The following DRC1 variants were observed in gnomAD, a reference collection of about 807,000 sequenced individuals.
DRC1 encodes the protein dynein regulatory complex subunit 1.
Under a neutral mutation model 98.7 loss-of-function variants are expected in DRC1, and 74 were observed. That is an observed-to-expected ratio of 0.75 (90% confidence interval 0.62 to 0.91). DRC1 has a LOEUF of 0.91. DRC1 is among the 40% of genes least tolerant of loss of function. The probability of loss-of-function intolerance (pLI) is 0.00; values close to 1 mark genes in which losing one functional copy is unlikely to be tolerated. For synonymous variants in DRC1, 336 were observed against 334.1 expected (o/e 1.01, Z -0.06); for missense variants, 875 against 886.0 (o/e 0.99, Z 0.16).
chr2:26,448,536 T>A, intron 10 of DRC1, 155 bp from the exon 11 acceptor site: 1 of 833,596 alleles, frequency 1.2e-6, no homozygotes, highest in Non-Finnish European at 2.0e-6. Flanking sequence ...CGTAATAGGC[T>A]TTTTTCATCA....
At chr2:26,424,214 T>C in intron 3 of DRC1, 57 bp from the exon 4 acceptor site, 1 of 1,600,836 alleles carries the variant, frequency 6.2e-7, no homozygotes, top group African/African-American at 1.3e-5. Context: ...GTACCTGCTC[T>C]ACTGGAAGGC....
At chr2:26,419,176 A>C (rs551327702) in intron 2 of DRC1, among the ~76,000 whole-genome samples, 1 of 152,110 alleles carries the variant, frequency 6.6e-6, no homozygotes, top group South Asian at 2.1e-4. Context: ...GGTGTGAGCC[A>C]CCATGCCCGG....
intron 1 of DRC1, among the ~76,000 whole-genome samples, chr2:26,405,996 CGTAA>C (rs1350840907): frequency 6.6e-6 from 1 of 152,064 alleles, no homozygotes; most frequent in Non-Finnish European, 1.5e-5. Flanking sequence ...GCGCATTGTG[CGTAA>C]GTGAGCTGGG....
intron 4 of DRC1, among the ~76,000 whole-genome samples, chr2:26,426,324 C>A (rs1663281592): frequency 6.6e-6 from 1 of 151,790 alleles, no homozygotes; most frequent in Admixed American, 6.6e-5. Context: ...TATGTCAGTA[C>A]AACATTCTTT....
chr2:26,431,798 C>G, intron 6 of DRC1, 86 bp from the exon 7 acceptor site: 9 of 1,567,630 alleles, frequency 5.7e-6, no homozygotes, highest in Non-Finnish European at 6.9e-6. Context: ...AAACTCTCCC[C>G]TGTGTCATGC....
chr2:26,420,324 T>C (rs929384703), intron 2 of DRC1, among the ~76,000 whole-genome samples: 1 of 152,146 alleles, frequency 6.6e-6, no homozygotes, highest in African/African-American at 2.4e-5. Context: ...GAGTGTTCTG[T>C]TACTAAAAGG....
At position 26,454,574 on chromosome 2, in the gene DRC1, C is replaced by T; in HGVS notation, c.1920-73C>T. Reference sequence around the variant, plus strand: ...GGTGACAGGTGGGAAAGCAGTAGGCCTGTGACTGGCACTGCCTGGGGGCCT... The same window carrying T: ...GGTGACAGGTGGGAAAGCAGTAGGCTTGTGACTGGCACTGCCTGGGGGCCT... On this transcript the variant is annotated intron_variant, in intron 14 of 16. Transcript: ENST00000288710. This position sits in a 1 kb window ranked among gnomAD's most constrained non-coding sequence, Gnocchi z 5.2. 1 of 1,581,672 alleles carries T rather than the reference C, an allele frequency of 6.3e-7. No individual in the cohort carries two copies. The highest frequency in any genetic ancestry group is 1.3e-5 in the African/African-American group (1 of 74,626).
At chr2:26,451,482 C>G (rs1483216986) in intron 13 of DRC1, among the ~76,000 whole-genome samples, 2 of 152,188 alleles carry the variant, frequency 1.3e-5, no homozygotes, top group East Asian at 3.8e-4. Flanking sequence ...TTTAGTACTG[C>G]TAGCCCAAAG....
intron 4 of DRC1, among the ~76,000 whole-genome samples, chr2:26,427,149 C>G (rs962703279): frequency 2.0e-5 from 3 of 152,072 alleles, no homozygotes; most frequent in Non-Finnish European, 2.9e-5. Context: ...CAGAGTCTCG[C>G]TCTGTCACCC....
intron 1 of DRC1, among the ~76,000 whole-genome samples, chr2:26,406,977 C>T (rs776460753): frequency 4.0e-5 from 6 of 151,838 alleles, no homozygotes; most frequent in Non-Finnish European, 5.9e-5. Context: ...CACCACCATA[C>T]CCCGCTAATT....
chr2:26,418,661 A>ATAAT (rs1678923930), intron 2 of DRC1, among the ~76,000 whole-genome samples: 6 of 84,388 alleles, frequency 7.1e-5, no homozygotes, highest in African/African-American at 2.5e-4. Flanking sequence ...TAAATTATAT[A>ATAAT]TTATATAAAT....
Position 26,432,139 on chromosome 2 carries a change from G to A in DRC1, c.888+133G>A, listed in dbSNP as rs549219682. 6.7e-6 allele frequency: 9 copies of A among 1,342,952 alleles called. No homozygotes were observed. The African/African-American group carries it at 1.0e-4, about 15-fold the overall frequency. 83.2% of individuals were successfully genotyped at this position (1,342,952 alleles called of 1,614,324 possible). ...TTCAGCACGTATTTATTAATCATCT[G>A]CCTTCTTTTAAATGTTCATATCTGA... On this transcript the variant is annotated intron_variant, in intron 7 of 16. Coordinates refer to ENST00000288710, the MANE Select transcript of DRC1 (RefSeq NM_145038.5).
At chr2:26,406,146 A>G (rs544318508) in intron 1 of DRC1, among the ~76,000 whole-genome samples, 84 of 152,360 alleles carry the variant, frequency 5.5e-4, no homozygotes, top group African/African-American at 1.9e-3. Context: ...TGAAGCTTAC[A>G]TATATATTAT....
Position 26,402,134 on chromosome 2 carries a change from G to T in DRC1, c.145G>T (p.Ala49Ser), listed in dbSNP as rs771727269. ...RRLRIAARLE[A>S]RRREALGEYL... ...CCTCCGCATCGCTGCGCGCTTAGAA[G>T]CCCGGAGGCGGTGAGCGCGGGGGCG... The change falls in exon 1 of 17, where the codon GCC (alanine) becomes TCC (serine). Residue 49 changes from alanine (A) to serine (S), a missense_variant. By Grantham distance (99) the Ala-to-Ser change is moderately conservative (BLOSUM62 1). Coordinates refer to ENST00000288710, the MANE Select transcript of DRC1 (RefSeq NM_145038.5). 3 of 1,606,552 alleles carry T rather than the reference G, an allele frequency of 1.9e-6. No homozygotes were observed. The highest frequency in any genetic ancestry group is 8.5e-7 in the Non-Finnish European group (1 of 1,177,440).
chr2:26,410,428 T>C (rs11687049), intron 1 of DRC1, among the ~76,000 whole-genome samples: 128,719 of 151,604 alleles, frequency 0.85, 56,400 homozygotes, highest in South Asian at 0.95. Context: ...CCTGCCACTA[T>C]GCCCGGCTAA....
rs1390089682 is a variant in DRC1, at chr2:26,444,202, C to A, written c.1029-20C>A. 1 of 1,613,874 alleles carries A rather than the reference C, an allele frequency of 6.2e-7. No individual in the cohort carries two copies. Among genetic ancestry groups the A allele is most frequent in the Non-Finnish European group, 8.5e-7 (1 of 1,180,012 alleles). On this transcript the variant is annotated intron_variant, in intron 8 of 16. Transcript: ENST00000288710. ...TACCTTCTATTCAGCTGCAGACTAA[C>A]CTTTTTCTCCTTCAACCAGCCTGCA...
Position 26,413,968 on chromosome 2 carries a change from G to A in DRC1, c.156-376G>A, listed in dbSNP as rs1678708357. 1.5e-4 allele frequency among the ~76,000 whole-genome samples: 23 copies of A among 151,710 alleles called. No homozygotes were observed. In the South Asian group the frequency reaches 4.6e-3, roughly 30 times the overall value. ...GATAGTGTCTCTCTATGTTGCCCAG[G>A]CTGGTCTCAAACTCCTGATTTAAAG... On this transcript the variant is annotated intron_variant, in intron 1 of 16. Transcript: ENST00000288710.
intron 1 of DRC1, among the ~76,000 whole-genome samples, chr2:26,413,552 G>C (rs1484316641): frequency 6.6e-6 from 1 of 152,118 alleles, no homozygotes; most frequent in South Asian, 2.1e-4. Context: ...ACACCTCACA[G>C]GGTTTTGGTT....
intron 1 of DRC1, among the ~76,000 whole-genome samples, chr2:26,413,097 A>G (rs899857671): frequency 5.3e-5 from 8 of 152,246 alleles, no homozygotes; most frequent in Admixed American, 4.6e-4. Context: ...TGTTTTAAAA[A>G]GAAAATGTGT....
Sources: gnomAD v4.1 joint callset for allele counts (sites outside exome capture counted in the v4.1 genomes callset) on GRCh38, gnomAD v4.1.1 for gene constraint, Gnocchi (gnomAD v3.1) non-coding constraint, MANE v1.5 for transcripts, NCBI Gene and HGNC (gene_info 2026-07-23, HGNC 2026-07-21) for gene names.